GRID2: variants seen among roughly 807,000 people sequenced by gnomAD.
The protein encoded by GRID2 is glutamate ionotropic receptor delta type subunit 2.
A neutral mutation model predicts 114.8 loss-of-function variants in GRID2; 33 were observed. That is an observed-to-expected ratio of 0.29 (90% CI 0.22 to 0.38). The LOEUF (loss-of-function observed/expected upper bound fraction) is 0.38. GRID2 is among the 10% of genes least tolerant of loss of function. The pLI is 1.00. For missense variants in GRID2, 1,184 were observed against 1,257.7 expected (o/e 0.94, Z 0.89); for synonymous variants, 505 against 449.9 (o/e 1.12, Z -1.55).
intron 1 of GRID2, among the ~76,000 whole-genome samples, chr4:92,543,014 G>C (rs1329842190): frequency 6.6e-6 from 1 of 151,892 alleles, no homozygotes; most frequent in Non-Finnish European, 1.5e-5. Context: ...TACCATGATA[G>C]GCTCATCTTT....
intron 11 of GRID2, among the ~76,000 whole-genome samples, chr4:93,475,848 G>A (rs995370519): frequency 3.3e-5 from 5 of 152,048 alleles, no homozygotes; most frequent in Non-Finnish European, 7.4e-5. Flanking sequence ...TTTATATAGT[G>A]GCTTAGGCCT....
At chr4:93,277,550 A>G (rs1001932244) in intron 8 of GRID2, among the ~76,000 whole-genome samples, 16 of 151,986 alleles carry the variant, frequency 1.1e-4, no homozygotes, top group Non-Finnish European at 1.3e-4. Context: ...CTTTAAAATA[A>G]CTATAGTTAA....
intron 13 of GRID2, among the ~76,000 whole-genome samples, chr4:93,517,584 G>A (rs1046212982): frequency 2.0e-5 from 3 of 151,808 alleles, no homozygotes; most frequent in East Asian, 1.9e-4. Context: ...ATAATAATAC[G>A]ATGTATTTTG....
rs1310496871 is a variant in GRID2 at position 92,485,328 on chromosome 4, ATATATATATATATATATATAGT to A, written c.89-104802_89-104781del. On this transcript the variant is annotated intron_variant, in intron 1 of 15. Coordinates refer to ENST00000282020, the MANE Select transcript of GRID2 (RefSeq NM_001510.4). Reference sequence around the variant, plus strand: ...TATATATATATATATATATATATATATATATATATATATATATATAGTGTGTGTGTGTGTGTGTGTGAGTGTA... The same window carrying A: ...TATATATATATATATATATATATATAGTGTGTGTGTGTGTGTGTGAGTGTA... Among the ~76,000 whole-genome samples, 400 of 103,352 alleles carry A rather than the reference ATATATATATATATATATATAGT, an allele frequency of 3.9e-3. 9 individuals carry two copies. The highest frequency in any genetic ancestry group is 0.027 in the Middle Eastern group (5 of 188). The allele number at this position is 103,352 out of a possible 152,430, so 67.8% of individuals were successfully genotyped here. A position where few individuals can be genotyped will look rare whatever the true frequency, so the allele number is the denominator to read the frequency against.
chr4:93,137,224 T>A (rs938312274), intron 4 of GRID2, among the ~76,000 whole-genome samples: 2 of 152,208 alleles, frequency 1.3e-5, no homozygotes, highest in African/African-American at 4.8e-5. Flanking sequence ...CTTAAGCAGA[T>A]GGTTATAGCA....
At chr4:93,506,372 A>G (rs949873937) in intron 12 of GRID2, among the ~76,000 whole-genome samples, 1 of 152,190 alleles carries the variant, frequency 6.6e-6, no homozygotes, top group African/African-American at 2.4e-5. Context: ...TCTGCCAGGT[A>G]GATGTGCCCT....
At chr4:93,243,181 TCTA>T (rs1270981540) in intron 8 of GRID2, among the ~76,000 whole-genome samples, 1 of 152,038 alleles carries the variant, frequency 6.6e-6, no homozygotes, top group Non-Finnish European at 1.5e-5. Flanking sequence ...CAATTATTTT[TCTA>T]CTAAGCTGCA....
chr4:93,400,641 G>T (rs1010088348), intron 9 of GRID2, among the ~76,000 whole-genome samples: 1 of 151,990 alleles, frequency 6.6e-6, no homozygotes, highest in African/African-American at 2.4e-5. Flanking sequence ...TAAAAGAAAG[G>T]CGTGCGAAGC....
chr4:92,622,233 A>G (rs556205871), intron 2 of GRID2, among the ~76,000 whole-genome samples: 22 of 151,726 alleles, frequency 1.4e-4, no homozygotes, highest in Non-Finnish European at 2.1e-4. Context: ...ACCATTTCAT[A>G]TTTTCCTGTA....
intron 14 of GRID2, among the ~76,000 whole-genome samples, chr4:93,689,019 T>C (rs1726316478): frequency 6.6e-6 from 1 of 151,978 alleles, no homozygotes; most frequent in South Asian, 2.1e-4. Context: ...GTGAGGTCCA[T>C]AGGATGACCC....
intron 1 of GRID2, among the ~76,000 whole-genome samples, chr4:92,539,601 T>C (rs1003831707): frequency 9.9e-5 from 15 of 152,172 alleles, no homozygotes; most frequent in African/African-American, 3.6e-4. Flanking sequence ...AACTTCCAAA[T>C]GGTTATATTT....
chr4:93,658,391 C>G (rs1723202191), intron 14 of GRID2, among the ~76,000 whole-genome samples: 1 of 151,910 alleles, frequency 6.6e-6, no homozygotes. Context: ...TGAAATAATA[C>G]CATTTAAATA....
chr4:92,931,739 C>T (rs1210508362), intron 2 of GRID2, among the ~76,000 whole-genome samples: 4 of 150,392 alleles, frequency 2.7e-5, no homozygotes, highest in Admixed American at 1.3e-4. Context: ...TATAATGCTA[C>T]TGCTTCTAGT....
chr4:92,598,626 C>T (rs1161450063), intron 2 of GRID2, among the ~76,000 whole-genome samples: 4 of 151,926 alleles, frequency 2.6e-5, no homozygotes, highest in Non-Finnish European at 5.9e-5. Flanking sequence ...ATCTGTGGGC[C>T]CTTGAACACA....
Position 93,011,706 on chromosome 4 carries a change from C to A in GRID2, c.245-73289C>A, listed in dbSNP as rs187586619. ...GCATCACATCGAGATGTATCATGTT[C>A]CAAACAAGAAAACGGAACACAATAG... is the stretch of plus-strand genomic sequence containing the variant. On this transcript the variant is annotated intron_variant, in intron 2 of 15. Coordinates refer to ENST00000282020, the MANE Select transcript of GRID2 (RefSeq NM_001510.4). Among the ~76,000 whole-genome samples, 7 of 152,104 alleles carry A rather than the reference C, an allele frequency of 4.6e-5. No homozygotes were observed. The East Asian group carries it at 1.4e-3, about 30-fold the overall frequency.
At chr4:93,133,143 C>T (rs1354434383) in intron 4 of GRID2, among the ~76,000 whole-genome samples, 1 of 152,058 alleles carries the variant, frequency 6.6e-6, no homozygotes, top group South Asian at 2.1e-4. Context: ...CTTGCATGCA[C>T]GTTCTCGCTC....
intron 2 of GRID2, among the ~76,000 whole-genome samples, chr4:92,903,610 C>T (rs1055299006): frequency 2.6e-5 from 4 of 151,880 alleles, no homozygotes; most frequent in African/African-American, 9.7e-5. Context: ...CCGTGGTGAA[C>T]CCCAGTAATT....
At chr4:92,993,306 A>G (rs1024266615) in intron 2 of GRID2, among the ~76,000 whole-genome samples, 6 of 151,826 alleles carry the variant, frequency 4.0e-5, no homozygotes, top group African/African-American at 1.5e-4. Flanking sequence ...AAAAAAAACA[A>G]AAAACTTTCT....
chr4:93,712,563 C>G (rs1454741859), intron 14 of GRID2, among the ~76,000 whole-genome samples: 1 of 152,090 alleles, frequency 6.6e-6, no homozygotes, highest in East Asian at 1.9e-4. Flanking sequence ...TCTGGTTTCA[C>G]CCCTTCTCCT....
Sources: gnomAD v4.1 joint callset for allele counts (sites outside exome capture counted in the v4.1 genomes callset) on GRCh38, gnomAD v4.1.1 for gene constraint, MANE v1.5 for transcripts, NCBI Gene and HGNC (gene_info 2026-07-23, HGNC 2026-07-21) for gene names.